The following PCM1 variants were observed in gnomAD, a reference collection of about 807,000 sequenced individuals.
The protein encoded by PCM1 is pericentriolar material 1 protein.
Under a neutral mutation model 241.9 loss-of-function variants are expected in PCM1, and 157 were observed. The ratio of observed to expected loss-of-function variants is 0.65; its 90% CI spans 0.57 to 0.74. PCM1 has a LOEUF of 0.74. PCM1 is among the 30% of genes least tolerant of loss of function. The pLI is 0.00. For missense variants in PCM1, 3,478 were observed against 2,360.1 expected, an observed-to-expected ratio of 1.47 and a Z score of -9.81; for synonymous variants, 1,085 against 784.9, an observed-to-expected ratio of 1.38 and a Z score of -6.39.
intron 6 of PCM1, chr8:17,940,158 G>C (rs567914745): frequency 2.0e-6 from 3 of 1,482,400 alleles, no homozygotes; most frequent in Non-Finnish European, 2.7e-6. Context: ...CAGATACCAC[G>C]GTAAGCGGCT....
Position 17,985,529 on chromosome 8 carries a change from A to G in PCM1, c.4191A>G (p.Glu1397=), listed in dbSNP as rs2082305269. 6.3e-7 allele frequency: 1 copy of G among 1,589,522 alleles called. No homozygotes were observed. Among genetic ancestry groups the G allele is most frequent in the Non-Finnish European group, 8.6e-7 (1 of 1,165,500 alleles). ...TAGCTACATTAATTTCTCAAAATGA[A>G]TCTCGTCCACATTTTCTTATTGAAC... ...SEVATLISQN[E]SRPHFLIELF... Residue 1397 remains glutamate (E), a synonymous_variant, in exon 25 of 39, where the codon GAA becomes GAG. Transcript: ENST00000325083.
At chr8:17,924,440 G>A (rs750755415) in intron 1 of PCM1, among the ~76,000 whole-genome samples, 2 of 152,160 alleles carry the variant, frequency 1.3e-5, no homozygotes, top group Admixed American at 6.5e-5. Flanking sequence ...AGGATAGTTA[G>A]GGCTAACCAT....
intron 36 of PCM1, among the ~76,000 whole-genome samples, chr8:18,017,803 A>T (rs2093364794): frequency 6.6e-6 from 1 of 152,178 alleles, no homozygotes; most frequent in African/African-American, 2.4e-5. Context: ...TCGTGAGCCA[A>T]AATGGTGCCA....
rs1180626702 is a variant in PCM1 at position 17,972,478 on chromosome 8, A to G, written c.3734A>G (p.Asp1245Gly). 3.1e-6 allele frequency: 5 copies of G among 1,613,804 alleles called. No homozygotes were observed. The highest frequency in any genetic ancestry group is 4.5e-5 in the East Asian group (2 of 44,886). The change falls in exon 23 of 39, where the codon GAT becomes GGT. Residue 1245 changes from aspartate (D) to glycine (G), a missense_variant. Physicochemically the swap from Asp to Gly is moderately conservative, Grantham distance 94 (BLOSUM62 -1). Transcript: ENST00000325083. ...AGTAGTAACCGCAAAAATCAATTAG[A>G]TACAAACGGAAGAAGACGCCAGTTT... ...STSSNRKNQL[D>G]TNGRRRQFDE...
intron 36 of PCM1, among the ~76,000 whole-genome samples, chr8:18,019,807 T>A (rs1056955089): frequency 6.6e-6 from 1 of 152,184 alleles, no homozygotes; most frequent in Admixed American, 6.5e-5. Context: ...TAACAGGCCC[T>A]GGACTGGTAC....
chr8:17,950,685 C>T lies in PCM1; in HGVS notation c.1032C>T (p.Asp344=). 6.2e-7 allele frequency: 1 copy of T among 1,601,256 alleles called. No homozygotes were observed. The highest frequency in any genetic ancestry group is 8.5e-7 in the Non-Finnish European group (1 of 1,172,018). Residue 344 remains aspartate (D), a synonymous_variant, in exon 8 of 39, where the codon GAC becomes GAT. Coordinates refer to ENST00000325083, the MANE Select transcript of PCM1 (RefSeq NM_006197.4). ...CTGAACTAAATGAAGAATTGAATGA[C>T]TTAATTCAGCGTTTTCATAATCAGC... The part of the protein sequence containing the change: ...ITSELNEELN[D]LIQRFHNQLR...
intron 36 of PCM1, among the ~76,000 whole-genome samples, chr8:18,021,905 C>G (rs765231626): frequency 3.3e-5 from 5 of 152,152 alleles, no homozygotes; most frequent in Non-Finnish European, 5.9e-5. Flanking sequence ...ACTCTAAGAC[C>G]TTAATGGATT....
chr8:17,980,774 T>G lies in PCM1; in HGVS notation c.4108+19T>G, dbSNP rs2080443488. The G allele has an allele frequency of 6.4e-7, 1 of 1,573,064 alleles. No homozygotes were observed. Among genetic ancestry groups the G allele is most frequent in the Non-Finnish European group, 8.6e-7 (1 of 1,158,040 alleles). On this transcript the variant is annotated intron_variant, in intron 24 of 38. Coordinates refer to ENST00000325083, the MANE Select transcript of PCM1 (RefSeq NM_006197.4). ...TCTTCAGGTATGTTCTTTTTTGGTT[T>G]GCATTAATATAAGGAGGTTTTCAGC...
intron 10 of PCM1, 98 bp from the exon 11 acceptor site, chr8:17,956,506 A>G: frequency 1.4e-6 from 1 of 728,092 alleles, no homozygotes; most frequent in Non-Finnish European, 2.3e-6. Flanking sequence ...CATTAGGTCT[A>G]AATTTTGTTT....
At chr8:18,011,567 G>A in intron 33 of PCM1, 100 bp from the exon 34 acceptor site, 2 of 1,156,592 alleles carry the variant, frequency 1.7e-6, no homozygotes, top group South Asian at 3.3e-5. Context: ...TTCAGATACT[G>A]TATATAAAGC....
intron 36 of PCM1, among the ~76,000 whole-genome samples, chr8:18,021,590 C>T (rs954912247): frequency 2.6e-5 from 4 of 152,186 alleles, no homozygotes; most frequent in Admixed American, 2.6e-4. Context: ...AATAAGGGAA[C>T]TCATTTTCCT....
chr8:17,940,193 T>C (rs1439749653), intron 6 of PCM1: 1 of 1,114,066 alleles, frequency 9.0e-7, no homozygotes, highest in Non-Finnish European at 1.3e-6. Context: ...GTGCTGGAAA[T>C]GAAGGTTTAA....
chr8:17,924,157 C>G (rs1447505449), intron 1 of PCM1, among the ~76,000 whole-genome samples: 1 of 152,082 alleles, frequency 6.6e-6, no homozygotes, highest in Non-Finnish European at 1.5e-5. Flanking sequence ...CTCTGGTTAC[C>G]GGAGTGGGTG....
Position 18,027,962 on chromosome 8 carries a change from T to TTATC in PCM1, c.*304_*307dup, listed in dbSNP as rs1449464096. 1 of 312,260 alleles carries TTATC rather than the reference T, an allele frequency of 3.2e-6. No homozygotes were observed. Among genetic ancestry groups the TTATC allele is most frequent in the African/African-American group, 2.1e-5 (1 of 47,122 alleles). 19.3% of individuals were successfully genotyped at this position (312,260 alleles called of 1,614,324 possible). A position where few individuals can be genotyped will look rare whatever the true frequency, so the allele number is the denominator to read the frequency against. ...ATGTAGTTTTAAATAAAGTTTGGAC[T>TTATC]TATCTATAAAGTATCTTTTTTGGAA... On this transcript the variant is annotated 3_prime_UTR_variant, in exon 39 of 39. Coordinates refer to ENST00000325083, the MANE Select transcript of PCM1 (RefSeq NM_006197.4).
chr8:17,937,839 G>A, intron 4 of PCM1, among the ~76,000 whole-genome samples: 1 of 152,082 alleles, frequency 6.6e-6, no homozygotes, highest in South Asian at 2.1e-4. Flanking sequence ...ATTCTTGAGA[G>A]ATATTTTACT....
chr8:18,019,242 T>TGTCTA (rs770338062), intron 36 of PCM1, among the ~76,000 whole-genome samples: 38 of 152,134 alleles, frequency 2.5e-4, no homozygotes, highest in Non-Finnish European at 4.3e-4. Flanking sequence ...AATTGTATTC[T>TGTCTA]GTCTATATGT....
At chr8:17,958,177 C>G (rs1318291442) in intron 13 of PCM1, among the ~76,000 whole-genome samples, 1 of 152,096 alleles carries the variant, frequency 6.6e-6, no homozygotes. Context: ...TTATGTACAA[C>G]TTGCAGCATC....
intron 36 of PCM1, chr8:18,015,637 T>C (rs1304963356): frequency 6.6e-6 from 1 of 152,196 alleles, no homozygotes. Flanking sequence ...TCTTTTGGTC[T>C]GGTGTTCCCA....
Position 17,947,871 on chromosome 8 carries a change from G to A in PCM1, c.961+508G>A, listed in dbSNP as rs577534293. On this transcript the variant is annotated intron_variant, in intron 7 of 38. Transcript: ENST00000325083. ...CTAGCTCCTTGGAACTATATTTATAGTGTATACATTCTTCGTAAGACTCAG... is the reference window on the plus strand; with the variant it reads ...CTAGCTCCTTGGAACTATATTTATAATGTATACATTCTTCGTAAGACTCAG... Among the ~76,000 whole-genome samples the A allele has an allele frequency of 3.0e-4, 46 of 152,254 alleles. No individual in the cohort carries two copies. In the South Asian group the frequency reaches 9.3e-3, roughly 31 times the overall value.
Sources: gnomAD v4.1 joint callset for allele counts (sites outside exome capture counted in the v4.1 genomes callset) on GRCh38, gnomAD v4.1.1 for gene constraint, MANE v1.5 for transcripts, NCBI Gene and HGNC (gene_info 2026-07-23, HGNC 2026-07-21) for gene names.